The following NR2E1 variants were observed in gnomAD, a reference collection of about 807,000 sequenced individuals.
NR2E1 encodes nuclear receptor TLX.
In NR2E1, 5 loss-of-function variants were observed where a neutral mutation model predicts 43.6. That is an observed-to-expected ratio of 0.11 (90% confidence interval 0.06 to 0.24). NR2E1 has a LOEUF of 0.24. Among genes scored for constraint, NR2E1 ranks in the 10% least tolerant of loss-of-function variants. The pLI, the probability that NR2E1 is intolerant of heterozygous loss-of-function variation, is 1.00. For synonymous variants in NR2E1, 191 were observed against 195.5 expected (o/e 0.98, Z 0.19); for missense variants, 287 against 496.7 (o/e 0.58, Z 4.01).
chr6:108,167,926 C>T lies in NR2E1; in HGVS notation c.25+1136C>T. 3.8e-6 allele frequency: 5 copies of T among 1,320,576 alleles called. No individual in the cohort carries two copies. In the South Asian group the frequency reaches 7.3e-5, roughly 19 times the overall value. 81.8% of individuals were successfully genotyped at this position (1,320,576 alleles called of 1,614,324 possible). A position where few individuals can be genotyped will look rare whatever the true frequency, so the allele number is the denominator to read the frequency against. On this transcript the variant is annotated intron_variant, in intron 1 of 8. Coordinates refer to ENST00000368986, the MANE Select transcript of NR2E1 (RefSeq NM_003269.5). ...TGGGATGCAATTCCCGCCCTCCTAC[C>T]CCCCTCCAAGAAGGAGGTTGTGTTT...
chr6:108,171,643 T>C, intron 2 of NR2E1, 40 bp downstream of exon 2: 1 of 1,612,630 alleles, frequency 6.2e-7, no homozygotes. Flanking sequence ...TCCGCTCTGC[T>C]GCCTCCTCAC....
chr6:108,179,492 C>CTCTG (rs1554258516), intron 5 of NR2E1, among the ~76,000 whole-genome samples: 14 of 131,348 alleles, frequency 1.1e-4, no homozygotes, highest in Admixed American at 1.6e-4. Context: ...TAACCACTTC[C>CTCTG]TGTGTGTGTG....
At chr6:108,173,274 T>C (rs1414504508) in intron 2 of NR2E1, among the ~76,000 whole-genome samples, 1 of 152,226 alleles carries the variant, frequency 6.6e-6, no homozygotes, top group African/African-American at 2.4e-5. Context: ...ATTTGCATAC[T>C]TATAAGAATA....
intron 4 of NR2E1, among the ~76,000 whole-genome samples, 173 bp downstream of exon 4, chr6:108,176,911 G>A (rs1204486216): frequency 6.6e-6 from 1 of 152,174 alleles, no homozygotes; most frequent in Non-Finnish European, 1.5e-5. Flanking sequence ...TTCAGCCAGG[G>A]GTGCTCAAAC....
chr6:108,181,054 G>T, intron 7 of NR2E1, 98 bp downstream of exon 7: 1 of 1,314,964 alleles, frequency 7.6e-7, no homozygotes, highest in Non-Finnish European at 1.1e-6. Flanking sequence ...GCAAAAAGAG[G>T]TGATGGTTTT....
chr6:108,168,010 CAAA>C (rs776838270), intron 1 of NR2E1: 1 of 1,579,282 alleles, frequency 6.3e-7, no homozygotes, highest in Non-Finnish European at 8.6e-7. Context: ...TGAACGTGAA[CAAA>C]AAGAAAAGGA....
rs1243123600 is a variant in NR2E1 at position 108,181,610 on chromosome 6, A to G, written c.954A>G (p.Gln318=). The G allele has an allele frequency of 6.2e-7, 1 of 1,614,162 alleles. No homozygotes were observed. The highest frequency in any genetic ancestry group is 1.3e-5 in the African/African-American group (1 of 74,956). ...FRNAAAIAAL[Q]DEAQLTLNSY... The stretch of plus-strand genomic sequence containing the variant: ...ATGCTGCCGCCATTGCAGCCCTTCA[A>G]GATGAGGCTCAGCTAACGCTCAACA... The change falls in exon 8 of 9, where the codon CAA becomes CAG. Residue 318 remains glutamine, a synonymous_variant. Coordinates refer to ENST00000368986, the MANE Select transcript of NR2E1 (RefSeq NM_003269.5).
chr6:108,168,082 G>C, intron 1 of NR2E1: 1 of 1,603,892 alleles, frequency 6.2e-7, no homozygotes. Context: ...CGGCCGGAAT[G>C]CAGAGCGGAC....
chr6:108,166,751 C>T lies in NR2E1; in HGVS notation c.-15C>T, dbSNP rs1370818432. 1 of 1,571,488 alleles carries T rather than the reference C, an allele frequency of 6.4e-7. No individual in the cohort carries two copies. Among genetic ancestry groups the T allele is most frequent in the Admixed American group, 1.9e-5 (1 of 53,594 alleles). On this transcript the variant is annotated 5_prime_UTR_variant, in exon 1 of 9. Coordinates refer to ENST00000368986, the MANE Select transcript of NR2E1 (RefSeq NM_003269.5). This position sits in a 1 kb window ranked among gnomAD's most constrained non-coding sequence, Gnocchi z 7.2. ...GGGCAGCGCCCACCAACCGCTCCGC[C>T]CCGGGACAGCCAGCATGAGCAAGCC... is the stretch of plus-strand genomic sequence containing the variant.
In NR2E1 at chr6:108,167,917, C is replaced by T. The variant is rs1247715453; in HGVS notation, c.25+1127C>T. ...TCACTTAAGTGGGATGCAATTCCCG[C>T]CCTCCTACCCCCCTCCAAGAAGGAG... On this transcript the variant is annotated intron_variant, in intron 1 of 8. Coordinates refer to ENST00000368986, the MANE Select transcript of NR2E1 (RefSeq NM_003269.5). The T allele has an allele frequency of 8.3e-6, 10 of 1,203,918 alleles. No homozygotes were observed. In the African/African-American group the frequency reaches 1.5e-4, roughly 19 times the overall value. The allele number at this position is 1,203,918 out of a possible 1,614,324, so 74.6% of individuals were successfully genotyped here.
intron 5 of NR2E1, 70 bp downstream of exon 5, chr6:108,178,311 C>A: frequency 9.0e-6 from 14 of 1,560,508 alleles, no homozygotes; most frequent in Non-Finnish European, 1.2e-5. Flanking sequence ...CCTTATAAAA[C>A]TTCCTCTATC....
intron 3 of NR2E1, 70 bp downstream of exon 3, chr6:108,174,993 G>T: frequency 7.1e-7 from 1 of 1,410,744 alleles, no homozygotes; most frequent in East Asian, 2.3e-5. Context: ...GAAAATACAT[G>T]GCACTCCTAT....
chr6:108,187,631 C>G lies in NR2E1; in HGVS notation c.*168C>G. The G allele has an allele frequency of 1.4e-6, 1 of 725,102 alleles. No homozygotes were observed. The highest frequency in any genetic ancestry group is 2.4e-6 in the Non-Finnish European group (1 of 420,640). 44.9% of individuals were successfully genotyped at this position (725,102 alleles called of 1,614,324 possible). A position where few individuals can be genotyped will look rare whatever the true frequency, so the allele number is the denominator to read the frequency against. ...AAGCATTCCAGTAGCTATGACCTGC[C>G]GCCCTGACCAGGATAGGGCGGGTGG... On this transcript the variant is annotated 3_prime_UTR_variant, in exon 9 of 9. Transcript: ENST00000368986.
rs964348155 is a variant in NR2E1 at position 108,166,547 on chromosome 6, G to A, written c.-219G>A. ...ATTCCCAGCAGCTGCGGTTTTGCAA[G>A]AGCCGGGAAGAAACTTAAGGATGCT... is the stretch of plus-strand genomic sequence containing the variant. On this transcript the variant is annotated 5_prime_UTR_variant, in exon 1 of 9. Coordinates refer to ENST00000368986, the MANE Select transcript of NR2E1 (RefSeq NM_003269.5). This position sits in a 1 kb window ranked among gnomAD's most constrained non-coding sequence, Gnocchi z 7.2. The A allele has an allele frequency of 3.0e-5, 15 of 504,052 alleles. No homozygotes were observed. The highest frequency in any genetic ancestry group is 5.2e-5 in the Non-Finnish European group (15 of 290,628). The allele number at this position is 504,052 out of a possible 1,614,324, so 31.2% of individuals were successfully genotyped here. A position where few individuals can be genotyped will look rare whatever the true frequency, so the allele number is the denominator to read the frequency against.
At chr6:108,174,368 G>C (rs971805382) in intron 2 of NR2E1, among the ~76,000 whole-genome samples, 4 of 152,318 alleles carry the variant, frequency 2.6e-5, no homozygotes, top group Admixed American at 2.6e-4. Context: ...ATCGTTGGTG[G>C]GAGGGCGGTA....
At chr6:108,175,470 T>C (rs889386682) in intron 3 of NR2E1, among the ~76,000 whole-genome samples, 3 of 152,200 alleles carry the variant, frequency 2.0e-5, no homozygotes, top group Non-Finnish European at 4.4e-5. Flanking sequence ...CTTCTCTCTG[T>C]TCTACAGAAA....
intron 5 of NR2E1, chr6:108,178,734 C>T (rs1221932594): frequency 1.8e-5 from 4 of 226,402 alleles, no homozygotes; most frequent in African/African-American, 9.0e-5. Context: ...AATTGATAAG[C>T]ATGTAAAACC....
intron 1 of NR2E1, among the ~76,000 whole-genome samples, chr6:108,167,675 C>T (rs1773732241): frequency 6.6e-6 from 1 of 152,130 alleles, no homozygotes; most frequent in Admixed American, 6.5e-5. Context: ...CAGTGGCCCA[C>T]GGCTGCGGGC....
At chr6:108,186,389 T>G (rs1053073826) in intron 8 of NR2E1, among the ~76,000 whole-genome samples, 1 of 152,202 alleles carries the variant, frequency 6.6e-6, no homozygotes, top group African/African-American at 2.4e-5. Flanking sequence ...GGTGGAGTTA[T>G]CAGGCAGTTA....
Sources: allele counts gnomAD v4.1 joint callset (sites outside exome capture counted in the v4.1 genomes callset), GRCh38; gene constraint gnomAD v4.1.1; non-coding constraint Gnocchi (gnomAD v3.1); transcripts MANE v1.5; gene names NCBI Gene and HGNC (gene_info 2026-07-23, HGNC 2026-07-21).